MACROD2: variants seen among roughly 807,000 people sequenced by gnomAD.
The protein encoded by MACROD2 is mono-ADP ribosylhydrolase 2.
A neutral mutation model predicts 70.4 loss-of-function variants in MACROD2; 36 were observed. The observed-to-expected ratio is 0.51, with a 90% CI of 0.39 to 0.68. The LOEUF (loss-of-function observed/expected upper bound fraction) is 0.68. MACROD2 is among the 30% of genes least tolerant of loss of function. The pLI is 0.00. For missense variants in MACROD2, 496 were observed against 538.4 expected, an observed-to-expected ratio of 0.92 and a Z score of 0.78; for synonymous variants, 172 against 178.8, an observed-to-expected ratio of 0.96 and a Z score of 0.30.
At chr20:15,347,780 T>A (rs936250442) in intron 6 of MACROD2, among the ~76,000 whole-genome samples, 45 of 152,248 alleles carry the variant, frequency 3.0e-4, no homozygotes, top group African/African-American at 1.0e-3. Context: ...TTTTTGTTTT[T>A]TCCACTAGTA....
chr20:14,367,988 GTTTTTCATGT>G (rs1381364983), intron 3 of MACROD2, among the ~76,000 whole-genome samples: 1 of 152,042 alleles, frequency 6.6e-6, no homozygotes, highest in Non-Finnish European at 1.5e-5. Flanking sequence ...TCTTTGGTAA[GTTTTTCATGT>G]TAGTTATTGT....
chr20:14,981,505 C>T lies in MACROD2; in HGVS notation c.419-248435C>T, dbSNP rs537021761. 3.9e-4 allele frequency among the ~76,000 whole-genome samples: 59 copies of T among 150,004 alleles called. 1 individual carries two copies. Among genetic ancestry groups the T allele is most frequent in the East Asian group, 7.8e-4 (4 of 5,098 alleles). On this transcript the variant is annotated intron_variant, in intron 5 of 17. Transcript: ENST00000684519. The stretch of plus-strand genomic sequence containing the variant: ...GTGTGTGCATGTTATATGATTTGGC[C>T]GTGTCCCCACTCAAATCTCATTTTA...
chr20:14,297,298 C>T (rs1271340570), intron 3 of MACROD2, among the ~76,000 whole-genome samples: 1 of 151,796 alleles, frequency 6.6e-6, no homozygotes. Context: ...CACTTAAAAT[C>T]AAAAGCTAGA....
chr20:15,214,938 G>C (rs1463098738), intron 5 of MACROD2, among the ~76,000 whole-genome samples: 2 of 152,126 alleles, frequency 1.3e-5, no homozygotes, highest in African/African-American at 4.8e-5. Flanking sequence ...AGCTAAGTTT[G>C]TAACAAGGCA....
intron 5 of MACROD2, among the ~76,000 whole-genome samples, chr20:14,830,554 G>T: frequency 6.6e-6 from 1 of 152,020 alleles, no homozygotes; most frequent in East Asian, 1.9e-4. Flanking sequence ...ATCTGGATGT[G>T]CACATAGCAC....
In MACROD2 at chr20:15,149,643, T is replaced by A. The variant is rs142417340; in HGVS notation, c.419-80297T>A. ...AGTTATGAGAGCTGTAGAGAGTGAG[T>A]TGAGCGTAGTTTGTGATTTTAAGGG... is the stretch of plus-strand genomic sequence containing the variant. On this transcript the variant is annotated intron_variant, in intron 5 of 17. Coordinates refer to ENST00000684519, the MANE Select transcript of MACROD2 (RefSeq NM_001351661.2). 9.0e-3 allele frequency among the ~76,000 whole-genome samples: 1,358 copies of A among 151,690 alleles called. 42 individuals carry two copies. The highest frequency in any genetic ancestry group is 0.031 in the African/African-American group (1,283 of 41,220).
intron 5 of MACROD2, among the ~76,000 whole-genome samples, chr20:15,120,001 G>A (rs2076018559): frequency 1.3e-5 from 2 of 152,122 alleles, no homozygotes; most frequent in South Asian, 4.2e-4. Flanking sequence ...CAACAGTTTT[G>A]CTTGTGTATA....
At chr20:14,374,338 C>G (rs185094027) in intron 3 of MACROD2, among the ~76,000 whole-genome samples, 3 of 152,278 alleles carry the variant, frequency 2.0e-5, no homozygotes, top group East Asian at 3.9e-4. Flanking sequence ...ACCCCTTTGT[C>G]TAGCTTAACA....
In MACROD2 at chr20:14,900,640, A is replaced by G. The variant is rs560421565; in HGVS notation, c.418+215681A>G. On this transcript the variant is annotated intron_variant, in intron 5 of 17. Transcript: ENST00000684519. ...TTGTAAAATCTTTTTTGTTTCTGCG[A>G]GGTCAGTAGTAATGTCCCCTCTTTA... 4.2e-4 allele frequency among the ~76,000 whole-genome samples: 64 copies of G among 151,968 alleles called. 1 individual carries two copies. The highest frequency in any genetic ancestry group is 6.8e-3 in the Middle Eastern group (2 of 294).
chr20:15,963,573 C>T (rs1316888675), intron 12 of MACROD2, among the ~76,000 whole-genome samples: 1 of 152,122 alleles, frequency 6.6e-6, no homozygotes, highest in African/African-American at 2.4e-5. Flanking sequence ...CAAGATTTGC[C>T]ATCACTGATT....
chr20:14,497,620 T>C (rs1179805369), intron 4 of MACROD2, among the ~76,000 whole-genome samples: 1 of 151,706 alleles, frequency 6.6e-6, no homozygotes, highest in Non-Finnish European at 1.5e-5. Context: ...GTTTATGGGA[T>C]GTGCTTCCTC....
At chr20:14,828,955 T>G (rs2072931766) in intron 5 of MACROD2, among the ~76,000 whole-genome samples, 1 of 141,684 alleles carries the variant, frequency 7.1e-6, no homozygotes, top group Admixed American at 6.9e-5. Context: ...ATTTTTTCCT[T>G]CTTTTTTTTT....
intron 8 of MACROD2, among the ~76,000 whole-genome samples, chr20:15,695,117 A>G (rs924730759): frequency 5.9e-5 from 9 of 152,104 alleles, no homozygotes; most frequent in African/African-American, 1.9e-4. Context: ...TTTGGTGACT[A>G]TGGCCTTATA....
At chr20:14,039,080 A>T (rs2053354738) in intron 2 of MACROD2, among the ~76,000 whole-genome samples, 1 of 152,222 alleles carries the variant, frequency 6.6e-6, no homozygotes, top group Non-Finnish European at 1.5e-5. Context: ...TACACATAAA[A>T]GTATTACTCT....
chr20:15,358,746 C>T (rs980048807), intron 6 of MACROD2, among the ~76,000 whole-genome samples: 1 of 152,006 alleles, frequency 6.6e-6, no homozygotes, highest in African/African-American at 2.4e-5. Context: ...GTTCTTGGTA[C>T]TGGCCTGCAG....
chr20:14,651,945 C>G (rs1985700265), intron 4 of MACROD2, among the ~76,000 whole-genome samples: 1 of 151,926 alleles, frequency 6.6e-6, no homozygotes, highest in Non-Finnish European at 1.5e-5. Flanking sequence ...AATTCATAAA[C>G]TTTCATATTA....
At chr20:14,810,989 A>G (rs370375369) in intron 5 of MACROD2, among the ~76,000 whole-genome samples, 1 of 152,150 alleles carries the variant, frequency 6.6e-6, no homozygotes. Context: ...GGAAGAATCA[A>G]TATCATGAAA....
At chr20:14,754,210 C>A (rs2071910986) in intron 5 of MACROD2, among the ~76,000 whole-genome samples, 1 of 152,106 alleles carries the variant, frequency 6.6e-6, no homozygotes, top group African/African-American at 2.4e-5. Context: ...GAATGGTCAT[C>A]ATGGAGATGG....
chr20:16,013,833 G>A (rs1453109393), intron 15 of MACROD2, among the ~76,000 whole-genome samples: 1 of 152,206 alleles, frequency 6.6e-6, no homozygotes, highest in South Asian at 2.1e-4. Context: ...ACTGCCAGAA[G>A]GTTTAGCAGA....
Sources: gnomAD v4.1 joint callset for allele counts (sites outside exome capture counted in the v4.1 genomes callset) on GRCh38, gnomAD v4.1.1 for gene constraint, MANE v1.5 for transcripts, NCBI Gene and HGNC (gene_info 2026-07-23, HGNC 2026-07-21) for gene names.